The following HECW2 variants were observed in gnomAD, a reference collection of about 807,000 sequenced individuals.
HECW2 encodes HECT, C2 and WW domain containing E3 ubiquitin protein ligase 2.
Under a neutral mutation model 175.2 loss-of-function variants are expected in HECW2, and 61 were observed. The observed-to-expected ratio is 0.35, with a 90% CI of 0.28 to 0.43. The LOEUF is 0.43. HECW2 is among the 20% of genes least tolerant of loss of function. The pLI, the probability that HECW2 is intolerant of heterozygous loss-of-function variation, is 1.00. For synonymous variants in HECW2, 671 were observed against 731.0 expected (o/e 0.92, Z 1.32); for missense variants, 1,524 against 2,000.5 (o/e 0.76, Z 4.54).
intron 27 of HECW2, among the ~76,000 whole-genome samples, chr2:196,216,477 T>G (rs954431525): frequency 2.0e-5 from 3 of 151,956 alleles, no homozygotes; most frequent in African/African-American, 7.3e-5. Context: ...GTCTGGTATT[T>G]CTATAGCTGC....
chr2:196,323,472 A>G (rs935363259), intron 6 of HECW2, among the ~76,000 whole-genome samples: 2 of 152,228 alleles, frequency 1.3e-5, no homozygotes, highest in Admixed American at 6.5e-5. Flanking sequence ...ATGCAACTAT[A>G]GTGATGTGAA....
intron 3 of HECW2, among the ~76,000 whole-genome samples, chr2:196,340,801 T>C (rs955865657): frequency 2.0e-5 from 3 of 152,096 alleles, no homozygotes; most frequent in African/African-American, 2.4e-5. Flanking sequence ...TCCTGAACTT[T>C]ACTTATACTA....
chr2:196,460,244 G>A (rs942059713), intron 1 of HECW2, among the ~76,000 whole-genome samples: 6 of 152,166 alleles, frequency 3.9e-5, no homozygotes, highest in African/African-American at 1.4e-4. Flanking sequence ...ATGGGGATGG[G>A]CATAATTAAA....
At chr2:196,279,101 T>G (rs990136246) in intron 14 of HECW2, among the ~76,000 whole-genome samples, 1 of 151,946 alleles carries the variant, frequency 6.6e-6, no homozygotes, top group African/African-American at 2.4e-5. Flanking sequence ...CAGGCTGGAG[T>G]GCAGTGGCGC....
intron 1 of HECW2, among the ~76,000 whole-genome samples, chr2:196,545,066 G>C (rs1689365953): frequency 6.6e-6 from 1 of 152,204 alleles, no homozygotes; most frequent in Admixed American, 6.5e-5. Context: ...CAAACACAAA[G>C]AATGCTAATG....
intron 24 of HECW2, among the ~76,000 whole-genome samples, chr2:196,221,353 A>G (rs7590319): frequency 0.042 from 6,461 of 152,304 alleles, 292 homozygotes; most frequent in East Asian, 0.16. Flanking sequence ...AACTTTTTCA[A>G]AACACATGGA....
chr2:196,226,798 A>C lies in HECW2; in HGVS notation c.3918-928T>G, dbSNP rs78095732. Among the ~76,000 whole-genome samples the C allele has an allele frequency of 0.014, 2,200 of 152,276 alleles. 107 individuals are homozygous for C. The East Asian group carries it at 0.16, about 11-fold the overall frequency. ...CTCAAGACCCATTCCTGATATTTTCACCATTCAAGAATTGTGCACATGGAC... is the reference window on the plus strand; with the variant it reads ...CTCAAGACCCATTCCTGATATTTTCCCCATTCAAGAATTGTGCACATGGAC... On this transcript the variant is annotated intron_variant, in intron 22 of 28. Coordinates refer to ENST00000644978, the MANE Select transcript of HECW2 (RefSeq NM_001348768.2).
At chr2:196,348,599 G>A (rs942427968) in intron 2 of HECW2, among the ~76,000 whole-genome samples, 6 of 152,070 alleles carry the variant, frequency 3.9e-5, no homozygotes, top group Admixed American at 3.3e-4. Context: ...AGTGAGCCAC[G>A]ATTGCACCAC....
At chr2:196,328,672 C>T (rs1692245293) in intron 5 of HECW2, among the ~76,000 whole-genome samples, 1 of 152,152 alleles carries the variant, frequency 6.6e-6, no homozygotes, top group Admixed American at 6.5e-5. Flanking sequence ...GGAAGTACTA[C>T]AACTACAGAA....
At chr2:196,231,092 CA>C (rs10653412) in intron 21 of HECW2, among the ~76,000 whole-genome samples, 1,546 of 55,032 alleles carry the variant, frequency 0.028, 16 homozygotes, top group East Asian at 0.2. Flanking sequence ...GACTCCGTCT[CA>C]AAAAAAAAAA....
intron 2 of HECW2, among the ~76,000 whole-genome samples, chr2:196,349,620 T>C (rs879582727): frequency 6.6e-6 from 1 of 152,078 alleles, no homozygotes; most frequent in Admixed American, 6.5e-5. Flanking sequence ...ATGATACTTA[T>C]CCAAAGTGAT....
At chr2:196,364,920 A>G (rs1401966408) in intron 2 of HECW2, among the ~76,000 whole-genome samples, 2 of 152,206 alleles carry the variant, frequency 1.3e-5, no homozygotes, top group Non-Finnish European at 2.9e-5. Context: ...CTGGTGAAGG[A>G]GAACAGCATC....
At chr2:196,271,896 G>C (rs1250088569) in intron 16 of HECW2, among the ~76,000 whole-genome samples, 1 of 152,124 alleles carries the variant, frequency 6.6e-6, no homozygotes, top group Non-Finnish European at 1.5e-5. Flanking sequence ...ATGATTATTG[G>C]ACTTAGGTCT....
chr2:196,344,941 G>A (rs1692898319), intron 2 of HECW2, among the ~76,000 whole-genome samples: 1 of 152,138 alleles, frequency 6.6e-6, no homozygotes, highest in Non-Finnish European at 1.5e-5. Flanking sequence ...CAAAGCAAGG[G>A]GACAGAGGGA....
At chr2:196,587,784 G>A (rs939876831) in intron 1 of HECW2, among the ~76,000 whole-genome samples, 3 of 152,120 alleles carry the variant, frequency 2.0e-5, no homozygotes, top group African/African-American at 7.2e-5. Context: ...TAAGTTTTAA[G>A]AACATAAGGG....
intron 1 of HECW2, among the ~76,000 whole-genome samples, chr2:196,520,121 G>C (rs1024935240): frequency 1.3e-5 from 2 of 152,150 alleles, no homozygotes; most frequent in African/African-American, 4.8e-5. Context: ...CTGAAGTTTC[G>C]TTGAAAGTAA....
At position 196,220,157 on chromosome 2, in the gene HECW2, T is replaced by C. The variant is rs541467162; in HGVS notation, c.4294-4A>G. The C allele has an allele frequency of 2.5e-6, 4 of 1,597,656 alleles. No individual in the cohort carries two copies. The highest frequency in any genetic ancestry group is 1.7e-5 in the Admixed American group (1 of 59,966). ...ATACCAGCCTGGCATCCACCACCTG[T>C]GGAATAAAAAGAGTACAAGGCATGG... On this transcript the variant is annotated splice_region_variant and splice_polypyrimidine_tract_variant and intron_variant, in intron 25 of 28. Transcript: ENST00000644978.
intron 1 of HECW2, among the ~76,000 whole-genome samples, chr2:196,534,525 G>A (rs1575647246): frequency 6.6e-6 from 1 of 152,148 alleles, no homozygotes; most frequent in East Asian, 1.9e-4. Context: ...AAATGAGAAC[G>A]GGGTTGAAAT....
chr2:196,242,351 G>A (rs928369547), intron 19 of HECW2, 147 bp from the exon 20 acceptor site: 31 of 1,038,862 alleles, frequency 3.0e-5, no homozygotes, highest in Non-Finnish European at 3.7e-5. Context: ...GCAAGTTGAA[G>A]GATATAACAA....
Sources: allele counts gnomAD v4.1 joint callset (sites outside exome capture counted in the v4.1 genomes callset), GRCh38; gene constraint gnomAD v4.1.1; transcripts MANE v1.5; gene names NCBI Gene and HGNC (gene_info 2026-07-23, HGNC 2026-07-21).